AAGAB: variants seen among roughly 807,000 people sequenced by gnomAD.
AAGAB encodes the protein alpha and gamma adaptin binding protein.
A neutral mutation model predicts 44.1 loss-of-function variants in AAGAB; 38 were observed. That is an observed-to-expected ratio of 0.86 (90% CI 0.67 to 1.13). The LOEUF (loss-of-function observed/expected upper bound fraction) is 1.13. Among genes scored for constraint, AAGAB ranks in the 50% most tolerant of loss-of-function variants. The probability of loss-of-function intolerance (pLI) is 0.00; values close to 1 mark genes in which losing one functional copy is unlikely to be tolerated. For missense variants in AAGAB, 450 were observed against 373.8 expected (o/e 1.20, Z -1.68); for synonymous variants, 131 against 131.8 (o/e 0.99, Z 0.04).
At chr15:67,239,962 TGCCTAATAGGAGCAGA>T (rs1964557354) in intron 1 of AAGAB, among the ~76,000 whole-genome samples, 3 of 152,218 alleles carry the variant, frequency 2.0e-5, no homozygotes, top group Non-Finnish European at 4.4e-5. Context: ...AGAAGCCACT[TGCCTAATAGGAGCAGA>T]GCCTAAAACT....
chr15:67,212,105 T>A (rs1351130351), intron 5 of AAGAB, among the ~76,000 whole-genome samples: 4 of 152,098 alleles, frequency 2.6e-5, no homozygotes, highest in Non-Finnish European at 5.9e-5. Context: ...ATGGTCTCGA[T>A]CTCCTGACCT....
chr15:67,227,376 G>A (rs934150941), intron 5 of AAGAB, among the ~76,000 whole-genome samples: 1 of 150,824 alleles, frequency 6.6e-6, no homozygotes, highest in African/African-American at 2.4e-5. Flanking sequence ...AAAACTTTTT[G>A]GTTTAAAAAT....
intron 5 of AAGAB, among the ~76,000 whole-genome samples, chr15:67,216,442 G>GAAAAAAAAAAAAAAAAAAA (rs60381455): frequency 1.9e-5 from 1 of 52,158 alleles, no homozygotes; most frequent in Non-Finnish European, 3.2e-5. Context: ...ACTCACTCTT[G>GAAAAAAAAAAAAAAAAAAA]AAAAAAAAAA....
rs184560586 is a variant in AAGAB at position 67,245,955 on chromosome 15, C to G, written c.73+8604G>C. Among the ~76,000 whole-genome samples the G allele has an allele frequency of 1.9e-3, 290 of 152,306 alleles. 4 individuals are homozygous for G. The highest frequency in any genetic ancestry group is 6.8e-3 in the Middle Eastern group (2 of 294). On this transcript the variant is annotated intron_variant, in intron 1 of 9. Transcript: ENST00000261880. The stretch of plus-strand genomic sequence containing the variant: ...CAAACATTTTCCTGATCTCAGCAGG[C>G]TGGAGTTTGATCCAAATACAGTGAC...
At chr15:67,207,293 G>A (rs991319519) in intron 7 of AAGAB, among the ~76,000 whole-genome samples, 1 of 152,170 alleles carries the variant, frequency 6.6e-6, no homozygotes, top group Non-Finnish European at 1.5e-5. Flanking sequence ...TTGCTTCTAG[G>A]CCTCTCAGTG....
upstream of AAGAB, chr15:67,254,871 G>T (rs758655425): frequency 3.7e-6 from 6 of 1,611,414 alleles, no homozygotes; most frequent in Non-Finnish European, 5.1e-6. Flanking sequence ...GCGCCTCCGC[G>T]GAGGTAGCCG....
intron 5 of AAGAB, among the ~76,000 whole-genome samples, chr15:67,218,099 A>G (rs374792616): frequency 7.2e-5 from 11 of 152,240 alleles, no homozygotes; most frequent in African/African-American, 2.2e-4. Flanking sequence ...ATAAACTCTC[A>G]GGGCTTTTGA....
chr15:67,204,548 C>G (rs556479294), intron 7 of AAGAB, among the ~76,000 whole-genome samples: 1 of 152,010 alleles, frequency 6.6e-6, no homozygotes, highest in Admixed American at 6.5e-5. Context: ...TACTGTACAA[C>G]AAATATTTTC....
rs1567028026 is a variant in AAGAB at position 67,237,225 on chromosome 15, T to C, written c.74-405A>G. 2.6e-5 allele frequency among the ~76,000 whole-genome samples: 4 copies of C among 152,192 alleles called. No homozygotes were observed. In the South Asian group the frequency reaches 6.2e-4, roughly 24 times the overall value. ...AGAATTTGTAACTATTTTGTACTTA[T>C]TGCAAACTAAAAGGAAGATAGGATT... On this transcript the variant is annotated intron_variant, in intron 1 of 9. Transcript: ENST00000261880.
At chr15:67,236,952 CATTT>C in intron 1 of AAGAB, 132 bp from the exon 2 acceptor site, 1 of 630,072 alleles carries the variant, frequency 1.6e-6, no homozygotes, top group Non-Finnish European at 2.6e-6. Flanking sequence ...AAGGACCCTG[CATTT>C]ATTAGCTTTA....
rs1328662557 is a variant in AAGAB at position 67,209,525 on chromosome 15, G to T, written c.555C>A (p.Ser185Arg). The T allele has an allele frequency of 1.9e-6, 3 of 1,613,918 alleles. No homozygotes were observed. Among genetic ancestry groups the T allele is most frequent in the African/African-American group, 2.7e-5 (2 of 74,932 alleles). The change falls in exon 6 of 10, where the codon AGC becomes AGA. Residue 185 changes from serine (S) to arginine (R), a missense_variant. Ser to Arg is a moderately radical substitution (Grantham distance 110). Transcript: ENST00000261880. ...VMKNDRNQGF[S>R]LLNSLTGTNH... ...TTGTTCCAGTCAATGAGTTGAGAAG[G>T]CTAAAGCCTTGGTTCCTATCTGAAA...
At position 67,231,885 on chromosome 15, in the gene AAGAB, T is replaced by G; in HGVS notation, c.464A>C (p.Glu155Ala). The G allele has an allele frequency of 6.2e-7, 1 of 1,609,942 alleles. No individual in the cohort carries two copies. ...ELPEEDDDFPESTGVKRIVQA... is the reference protein window; with the variant it reads ...ELPEEDDDFPASTGVKRIVQA... ...GACAATTCGCTTTACTCCTGTAGAT[T>G]CTGGGAAGTCATCTAATCAGGGAGG... is the stretch of plus-strand genomic sequence containing the variant. The change falls in exon 5 of 10, where the codon GAA becomes GCA. Residue 155 changes from glutamate (E) to alanine (A), a missense_variant. By Grantham distance (107) the Glu-to-Ala change is moderately radical. Transcript: ENST00000261880.
intron 4 of AAGAB, among the ~76,000 whole-genome samples, chr15:67,234,078 TAAA>T (rs1964406599): frequency 9.0e-6 from 1 of 111,706 alleles, no homozygotes; most frequent in South Asian, 3.0e-4. Flanking sequence ...CCGTCTCTAC[TAAA>T]AATACAAAAA....
At chr15:67,232,349 A>G (rs1440608473) in intron 4 of AAGAB, 2 of 179,030 alleles carry the variant, frequency 1.1e-5, no homozygotes, top group Non-Finnish European at 2.4e-5. Context: ...TTCACATCAT[A>G]CAAGGAAAAA....
intron 5 of AAGAB, among the ~76,000 whole-genome samples, chr15:67,222,279 CA>C (rs1463191307): frequency 3.2e-4 from 48 of 150,080 alleles, no homozygotes; most frequent in Admixed American, 2.0e-3. Context: ...CACACACACA[CA>C]CACCCTCCAC....
chr15:67,235,919 GAATT>G (rs973172462), intron 4 of AAGAB, 56 bp downstream of exon 4: 71 of 1,274,500 alleles, frequency 5.6e-5, no homozygotes, highest in Middle Eastern at 3.8e-4. Context: ...CTTCTTCCCT[GAATT>G]AAAATAATCT....
In AAGAB at chr15:67,204,131, C is replaced by A; in HGVS notation, c.733G>T (p.Asp245Tyr). 1 of 1,606,750 alleles carries A rather than the reference C, an allele frequency of 6.2e-7. No homozygotes were observed. The highest frequency in any genetic ancestry group is 8.5e-7 in the Non-Finnish European group (1 of 1,173,746). Residue 245 changes from aspartate to tyrosine, a missense_variant, in exon 8 of 10, where the codon GAT becomes TAT. Asp to Tyr is a radical substitution (Grantham distance 160). Transcript: ENST00000261880. ...DSIVDPMLDLDIQELASLTTG... is the reference protein window; with the variant it reads ...DSIVDPMLDLYIQELASLTTG... Reference sequence around the variant, plus strand: ...GTAAGACTGGCTAATTCTTGAATATCCAGATCTAACATGGGATCTGAAATA... The same window carrying A: ...GTAAGACTGGCTAATTCTTGAATATACAGATCTAACATGGGATCTGAAATA...
intron 5 of AAGAB, among the ~76,000 whole-genome samples, chr15:67,210,255 G>A (rs62014612): frequency 0.45 from 68,573 of 152,062 alleles, 15,934 homozygotes; most frequent in Non-Finnish European, 0.52. Flanking sequence ...GGTGGCTCAC[G>A]CCTGTAATCC....
In AAGAB at chr15:67,231,916, T is replaced by C; in HGVS notation, c.452-19A>G. 6.4e-7 allele frequency: 1 copy of C among 1,558,976 alleles called. No individual in the cohort carries two copies. The highest frequency in any genetic ancestry group is 1.1e-5 in the South Asian group (1 of 89,994). ...AAGTCATCTAATCAGGGAGGGGAAA[T>C]ATATATATTTATATGCAACACTCAC... On this transcript the variant is annotated intron_variant, in intron 4 of 9. Coordinates refer to ENST00000261880, the MANE Select transcript of AAGAB (RefSeq NM_024666.5).
Sources: allele counts gnomAD v4.1 joint callset (sites outside exome capture counted in the v4.1 genomes callset), GRCh38; gene constraint gnomAD v4.1.1; transcripts MANE v1.5; gene names NCBI Gene and HGNC (gene_info 2026-07-23, HGNC 2026-07-21).